Variants in TANC1 observed in about 807,000 individuals in gnomAD.
TANC1 encodes the protein tetratricopeptide repeat, ankyrin repeat and coiled-coil containing 1.
A neutral mutation model predicts 149.7 loss-of-function variants in TANC1; 77 were observed. That is an observed-to-expected ratio of 0.51 (90% CI 0.43 to 0.62). TANC1 has a LOEUF of 0.62. Among genes scored for constraint, TANC1 ranks in the 20% least tolerant of loss-of-function variants. TANC1 has a pLI of 0.00. For synonymous variants in TANC1, 854 were observed against 925.0 expected (o/e 0.92, Z 1.39); for missense variants, 1,985 against 2,321.8 (o/e 0.85, Z 2.98).
chr2:159,077,442 C>T (rs1337721541), intron 3 of TANC1, among the ~76,000 whole-genome samples: 5 of 152,140 alleles, frequency 3.3e-5, no homozygotes, highest in East Asian at 1.9e-4. Flanking sequence ...CTTCTCTTTT[C>T]GCTCCCCAAA....
intron 3 of TANC1, among the ~76,000 whole-genome samples, chr2:159,095,499 G>T (rs999656526): frequency 1.1e-4 from 17 of 151,948 alleles, no homozygotes; most frequent in African/African-American, 4.1e-4. Flanking sequence ...AGCACTTTGG[G>T]GGCCAAGGCA....
At chr2:159,205,645 T>C (rs2058549367) in intron 19 of TANC1, among the ~76,000 whole-genome samples, 1 of 152,256 alleles carries the variant, frequency 6.6e-6, no homozygotes, top group Non-Finnish European at 1.5e-5. Context: ...AGGCATGTAG[T>C]AGGCTACACC....
chr2:158,977,643 G>T (rs539381014), intron 1 of TANC1, among the ~76,000 whole-genome samples: 17 of 149,846 alleles, frequency 1.1e-4, no homozygotes, highest in African/African-American at 3.7e-4. Flanking sequence ...TGATAGTCCT[G>T]CGTGATCAAA....
intron 5 of TANC1, chr2:159,147,894 C>T (rs1162419498): frequency 6.6e-6 from 1 of 152,108 alleles, no homozygotes; most frequent in Non-Finnish European, 1.5e-5. Context: ...GCATGACTTG[C>T]AAAACTGATA....
At chr2:159,019,169 C>T (rs1311086324) in intron 2 of TANC1, among the ~76,000 whole-genome samples, 2 of 152,210 alleles carry the variant, frequency 1.3e-5, no homozygotes, top group Non-Finnish European at 2.9e-5. Context: ...TGCAGGTCAG[C>T]AGTCTGCTCC....
Position 159,097,650 on chromosome 2 carries a change from TC to T in TANC1, c.77del (p.Pro26GlnfsTer17). 1 of 1,613,974 alleles carries T rather than the reference TC, an allele frequency of 6.2e-7. No homozygotes were observed. The highest frequency in any genetic ancestry group is 8.5e-7 in the Non-Finnish European group (1 of 1,179,870). On this transcript the variant is annotated frameshift_variant, in exon 4 of 27. Transcript: ENST00000263635. LOFTEE classifies it high-confidence loss of function. The stretch of plus-strand genomic sequence containing the variant: ...TCTCTACTCTAGGAAGTGACTTTGG[TC>T]CAGAGACTTCTCCAGTCCTGCACCT... ...GKKEAGSDFG[P>X]ETSPVLHLDH...
chr2:159,172,054 A>T, intron 10 of TANC1, 67 bp from the exon 11 acceptor site: 1 of 1,487,526 alleles, frequency 6.7e-7, no homozygotes, highest in Non-Finnish European at 9.2e-7. Context: ...ACAAATCAAG[A>T]AATATATTCA....
At chr2:159,229,510 T>C in intron 26 of TANC1, 68 bp from the exon 27 acceptor site, 11 of 1,291,544 alleles carry the variant, frequency 8.5e-6, no homozygotes, top group Non-Finnish European at 1.2e-5. Flanking sequence ...ACAGCTCTTT[T>C]ATGAACAGTT....
intron 2 of TANC1, among the ~76,000 whole-genome samples, chr2:159,016,141 C>G (rs2038244571): frequency 6.6e-6 from 1 of 152,194 alleles, no homozygotes; most frequent in Non-Finnish European, 1.5e-5. Context: ...TTGGACTTTT[C>G]CATGTGACTG....
intron 4 of TANC1, among the ~76,000 whole-genome samples, chr2:159,121,229 C>T (rs1448658929): frequency 6.6e-6 from 1 of 152,214 alleles, no homozygotes; most frequent in Non-Finnish European, 1.5e-5. Context: ...CTACCTGATG[C>T]TGGCTCACCT....
intron 2 of TANC1, among the ~76,000 whole-genome samples, chr2:159,042,722 T>C (rs2040748947): frequency 6.6e-6 from 1 of 151,820 alleles, no homozygotes; most frequent in South Asian, 2.1e-4. Context: ...GGATGACTAA[T>C]TTCCAGAGAG....
At chr2:159,072,491 T>C (rs2043238807) in intron 3 of TANC1, among the ~76,000 whole-genome samples, 1 of 152,226 alleles carries the variant, frequency 6.6e-6, no homozygotes. Flanking sequence ...TAAACTACCT[T>C]ATAGTTGTAT....
At chr2:159,062,992 A>AAAAAAAG in intron 2 of TANC1, among the ~76,000 whole-genome samples, 1 of 147,500 alleles carries the variant, frequency 6.8e-6, no homozygotes, top group African/African-American at 2.5e-5. Context: ...AAAAAAAAAA[A>AAAAAAAG]AAAGAAAGCA....
intron 19 of TANC1, among the ~76,000 whole-genome samples, chr2:159,215,126 T>C (rs1275231372): frequency 6.6e-6 from 1 of 152,162 alleles, no homozygotes; most frequent in Non-Finnish European, 1.5e-5. Context: ...AGGGGATGCT[T>C]TCCCCATGGT....
At chr2:159,073,941 T>C (rs2043398114) in intron 3 of TANC1, among the ~76,000 whole-genome samples, 1 of 152,214 alleles carries the variant, frequency 6.6e-6, no homozygotes, top group Non-Finnish European at 1.5e-5. Flanking sequence ...TGAGTATTCC[T>C]CATAAGAGTC....
intron 19 of TANC1, among the ~76,000 whole-genome samples, chr2:159,216,171 G>A (rs1234655886): frequency 2.6e-5 from 4 of 152,084 alleles, no homozygotes; most frequent in Non-Finnish European, 5.9e-5. Flanking sequence ...GTTACTAATG[G>A]GGCTTGGTGC....
At chr2:159,065,592 T>C (rs1257014169) in intron 2 of TANC1, among the ~76,000 whole-genome samples, 1 of 152,162 alleles carries the variant, frequency 6.6e-6, no homozygotes, top group Non-Finnish European at 1.5e-5. Context: ...GTACCCAGGT[T>C]TAGCCTCATA....
intron 2 of TANC1, among the ~76,000 whole-genome samples, chr2:159,033,349 G>A (rs1295986873): frequency 6.6e-6 from 1 of 152,208 alleles, no homozygotes; most frequent in Admixed American, 6.5e-5. Flanking sequence ...CAGCACAACT[G>A]AGGAACTCAT....
At chr2:159,159,634 T>C (rs1223878304) in intron 7 of TANC1, among the ~76,000 whole-genome samples, 1 of 151,900 alleles carries the variant, frequency 6.6e-6, no homozygotes, top group Non-Finnish European at 1.5e-5. Flanking sequence ...AAAAATACGC[T>C]GTATGTATAA....
Sources: gnomAD v4.1 joint callset for allele counts (sites outside exome capture counted in the v4.1 genomes callset) on GRCh38, gnomAD v4.1.1 for gene constraint, MANE v1.5 for transcripts, NCBI Gene and HGNC (gene_info 2026-07-23, HGNC 2026-07-21) for gene names.